The following PEAK1 variants were observed in gnomAD, a reference collection of about 807,000 sequenced individuals.
PEAK1 encodes the protein pseudopodium enriched atypical kinase 1.
A neutral mutation model predicts 124.7 loss-of-function variants in PEAK1; 54 were observed. The observed-to-expected ratio is 0.43, with a 90% CI of 0.35 to 0.54. PEAK1 has a LOEUF of 0.54. Among genes scored for constraint, PEAK1 ranks in the 20% least tolerant of loss-of-function variants. PEAK1 has a pLI of 0.01. For missense variants in PEAK1, 2,046 were observed against 2,134.5 expected, an observed-to-expected ratio of 0.96 and a Z score of 0.82; for synonymous variants, 719 against 760.0, an observed-to-expected ratio of 0.95 and a Z score of 0.89.
chr15:77,167,457 T>C (rs902164443), intron 7 of PEAK1, among the ~76,000 whole-genome samples: 1 of 152,250 alleles, frequency 6.6e-6, no homozygotes, highest in Non-Finnish European at 1.5e-5. Context: ...AACATGATTA[T>C]TTAAAAATTT....
intron 8 of PEAK1, among the ~76,000 whole-genome samples, chr15:77,154,343 T>A (rs1426958187): frequency 1.3e-5 from 2 of 152,176 alleles, no homozygotes; most frequent in African/African-American, 2.4e-5. Flanking sequence ...GCTTGGTAGA[T>A]CTTCCTCCAT....
At chr15:77,162,082 T>C (rs180920096) in intron 7 of PEAK1, among the ~76,000 whole-genome samples, 1 of 151,300 alleles carries the variant, frequency 6.6e-6, no homozygotes. Context: ...TTGAGAAAAG[T>C]AGCAGAGAAG....
intron 1 of PEAK1, among the ~76,000 whole-genome samples, chr15:77,369,315 C>A (rs757679671): frequency 1.3e-5 from 2 of 152,128 alleles, no homozygotes; most frequent in Non-Finnish European, 2.9e-5. Context: ...TACAGGAATG[C>A]AAATGGAGAG....
At chr15:77,150,130 T>G (rs553963070) in intron 8 of PEAK1, among the ~76,000 whole-genome samples, 1 of 152,328 alleles carries the variant, frequency 6.6e-6, no homozygotes, top group Admixed American at 6.5e-5. Context: ...CATTTTAAGT[T>G]TTTGAATGCA....
intron 1 of PEAK1, among the ~76,000 whole-genome samples, chr15:77,378,947 C>G (rs950827604): frequency 6.6e-6 from 1 of 152,156 alleles, no homozygotes; most frequent in African/African-American, 2.4e-5. Context: ...CTCGCCACCC[C>G]TATATTTCCT....
At chr15:77,362,444 C>A (rs770072969) in intron 2 of PEAK1, among the ~76,000 whole-genome samples, 1 of 152,062 alleles carries the variant, frequency 6.6e-6, no homozygotes, top group Non-Finnish European at 1.5e-5. Context: ...ATCAAAACCA[C>A]CATATACCAC....
At chr15:77,286,775 G>A (rs2062951970) in intron 2 of PEAK1, among the ~76,000 whole-genome samples, 2 of 152,082 alleles carry the variant, frequency 1.3e-5, no homozygotes, top group Admixed American at 1.3e-4. Flanking sequence ...TACTTTCAAA[G>A]AATAGCAGTA....
intron 2 of PEAK1, among the ~76,000 whole-genome samples, chr15:77,325,454 A>AAAT (rs2065511448): frequency 7.2e-6 from 1 of 139,534 alleles, no homozygotes; most frequent in African/African-American, 2.7e-5. Context: ...AATAAATAAA[A>AAAT]TAATTAATAA....
chr15:77,115,382 G>A, intron 9 of PEAK1, 63 bp from the exon 10 acceptor site: 1 of 1,443,492 alleles, frequency 6.9e-7, no homozygotes, highest in East Asian at 2.3e-5. Context: ...ATGTATCAGG[G>A]AAGATTAACT....
intron 1 of PEAK1, among the ~76,000 whole-genome samples, chr15:77,393,624 G>A (rs190000423): frequency 1.3e-5 from 2 of 152,326 alleles, no homozygotes; most frequent in Non-Finnish European, 2.9e-5. Flanking sequence ...AATCAGCAGT[G>A]TTAGCTAGGC....
At chr15:77,304,260 T>A (rs2063947285) in intron 2 of PEAK1, among the ~76,000 whole-genome samples, 1 of 152,146 alleles carries the variant, frequency 6.6e-6, no homozygotes, top group Non-Finnish European at 1.5e-5. Flanking sequence ...AGTCTATAGA[T>A]CAAATTGGAA....
chr15:77,280,451 A>G (rs1050582937), intron 5 of PEAK1, among the ~76,000 whole-genome samples: 1 of 152,198 alleles, frequency 6.6e-6, no homozygotes, highest in Non-Finnish European at 1.5e-5. Flanking sequence ...TTTAATAGAT[A>G]CATAAAGTGT....
chr15:77,180,213 A>C lies in PEAK1; in HGVS notation c.1714T>G (p.Ser572Ala). Residue 572 changes from serine to alanine, a missense_variant, in exon 7 of 10, where the codon TCA becomes GCA. Transcript: ENST00000682557. ...RKNCHKSAPT[S>A]PTATNISSKT... is the part of the protein sequence containing the mutation. The stretch of plus-strand genomic sequence containing the variant: ...GAGGAAATGTTTGTAGCTGTGGGTG[A>C]TGTAGGTGCTGATTTGTGACAGTTT... 1.2e-6 allele frequency: 2 copies of C among 1,614,142 alleles called. No individual in the cohort carries two copies. The highest frequency in any genetic ancestry group is 8.5e-7 in the Non-Finnish European group (1 of 1,180,016).
At chr15:77,401,134 A>G (rs576958353) in intron 1 of PEAK1, among the ~76,000 whole-genome samples, 56 of 152,222 alleles carry the variant, frequency 3.7e-4, no homozygotes, top group Admixed American at 3.7e-3. Context: ...CACTTTAAAA[A>G]CTCACATTCT....
intron 2 of PEAK1, among the ~76,000 whole-genome samples, chr15:77,306,522 A>C (rs2064113739): frequency 6.6e-6 from 1 of 152,200 alleles, no homozygotes; most frequent in African/African-American, 2.4e-5. Flanking sequence ...AATAGTTATA[A>C]TCACTTAAAA....
chr15:77,415,906 C>T (rs560980980), intron 1 of PEAK1, among the ~76,000 whole-genome samples: 1 of 152,312 alleles, frequency 6.6e-6, no homozygotes, highest in East Asian at 1.9e-4. Flanking sequence ...TTAAGAATGT[C>T]CAAGATTCTC....
intron 5 of PEAK1, among the ~76,000 whole-genome samples, chr15:77,275,007 C>A (rs1567199159): frequency 6.6e-6 from 1 of 152,134 alleles, no homozygotes; most frequent in African/African-American, 2.4e-5. Context: ...AAAATAATGG[C>A]ATTTGCAGCA....
In PEAK1 at chr15:77,110,500, C is replaced by T. The variant is rs2050921157; in HGVS notation, c.*3656G>A. ...CTTTAGATCTCTTGGCTTAGACTTT[C>T]CCATGTTTACAAACTTATTCTGAGT... On this transcript the variant is annotated 3_prime_UTR_variant, in exon 10 of 10. Coordinates refer to ENST00000682557, the MANE Select transcript of PEAK1 (RefSeq NM_001385026.1). 1 of 152,178 alleles carries T rather than the reference C, an allele frequency of 6.6e-6. No individual in the cohort carries two copies. 9.4% of individuals were successfully genotyped at this position (152,178 alleles called of 1,614,324 possible). A position where few individuals can be genotyped will look rare whatever the true frequency, so the allele number is the denominator to read the frequency against.
chr15:77,388,004 G>A (rs1295933559), intron 1 of PEAK1, among the ~76,000 whole-genome samples: 8 of 152,130 alleles, frequency 5.3e-5, no homozygotes, highest in African/African-American at 1.9e-4. Flanking sequence ...ATGTTAGCAA[G>A]TGGGTATACT....
Sources: allele counts gnomAD v4.1 joint callset (sites outside exome capture counted in the v4.1 genomes callset), GRCh38; gene constraint gnomAD v4.1.1; transcripts MANE v1.5; gene names NCBI Gene and HGNC (gene_info 2026-07-23, HGNC 2026-07-21).